Variants in LRCH1 observed in about 807,000 individuals in gnomAD.
LRCH1 encodes the protein leucine rich repeats and calponin homology domain containing 1.
A neutral mutation model predicts 94.9 loss-of-function variants in LRCH1; 23 were observed. That is an observed-to-expected ratio of 0.24 (90% CI 0.17 to 0.34). The LOEUF (loss-of-function observed/expected upper bound fraction) is 0.34. Among genes scored for constraint, LRCH1 ranks in the 10% least tolerant of loss-of-function variants. The probability of loss-of-function intolerance (pLI) is 1.00; values close to 1 mark genes in which losing one functional copy is unlikely to be tolerated. For missense variants in LRCH1, 790 were observed against 945.9 expected, an observed-to-expected ratio of 0.84 and a Z score of 2.16; for synonymous variants, 364 against 354.9, an observed-to-expected ratio of 1.03 and a Z score of -0.29.
At chr13:46,645,937 G>A (rs2051215157) in intron 1 of LRCH1, among the ~76,000 whole-genome samples, 1 of 116,950 alleles carries the variant, frequency 8.6e-6, no homozygotes, top group African/African-American at 3.1e-5. Flanking sequence ...GAAAGGTTAA[G>A]TTTGGAATGT....
At chr13:46,579,463 C>CTTT (rs138919787) in intron 1 of LRCH1, among the ~76,000 whole-genome samples, 176 of 146,798 alleles carry the variant, frequency 1.2e-3, no homozygotes, top group African/African-American at 4.2e-3. Context: ...AATTTCTTTT[C>CTTT]TTTTTTTTTT....
At chr13:46,674,451 G>A (rs933992802) in intron 3 of LRCH1, among the ~76,000 whole-genome samples, 13 of 152,190 alleles carry the variant, frequency 8.5e-5, no homozygotes, top group African/African-American at 3.1e-4. Context: ...CATTGTTGCA[G>A]GTGCAGGAAA....
At chr13:46,610,488 CTT>C (rs745707835) in intron 1 of LRCH1, among the ~76,000 whole-genome samples, 21 of 139,146 alleles carry the variant, frequency 1.5e-4, no homozygotes, top group Admixed American at 3.6e-4. Flanking sequence ...TCTTTTTTTC[CTT>C]TTTTTTTTTT....
intron 13 of LRCH1, among the ~76,000 whole-genome samples, chr13:46,707,434 C>T (rs1354304581): frequency 1.3e-5 from 2 of 152,166 alleles, no homozygotes; most frequent in African/African-American, 4.8e-5. Context: ...TAATTTATCA[C>T]CCAATCAAGA....
chr13:46,573,870 T>A (rs867654953), intron 1 of LRCH1, among the ~76,000 whole-genome samples: 924 of 52,680 alleles, frequency 0.018, 21 homozygotes, highest in African/African-American at 0.037. Context: ...ATATATATTT[T>A]TTTTTTTTTT....
chr13:46,658,305 AT>A (rs1166560960), intron 2 of LRCH1, among the ~76,000 whole-genome samples: 1 of 152,016 alleles, frequency 6.6e-6, no homozygotes, highest in East Asian at 1.9e-4. Flanking sequence ...TATTTTGCTC[AT>A]TGATTACCAG....
chr13:46,686,119 C>A, intron 5 of LRCH1, 78 bp downstream of exon 5: 1 of 1,330,774 alleles, frequency 7.5e-7, no homozygotes, highest in Non-Finnish European at 9.8e-7. Context: ...CCCCTTCACC[C>A]TCTGAAAGTT....
In LRCH1 at chr13:46,681,743, T is replaced by A. The variant is rs776077548; in HGVS notation, c.582T>A (p.Asp194Glu). ...TTCTCTCTCTGCTTTTGATACAGGA[T>A]GTCAGCTGCAACGAGATCACAGCGT... ...IGQLKQLMEL[D>E]VSCNEITALP... is the part of the protein sequence containing the mutation. The change falls in exon 4 of 20, where the codon GAT (aspartate) becomes GAA (glutamate). Residue 194 changes from aspartate (D) to glutamate (E), a missense_variant and splice_region_variant. By Grantham distance (45) the Asp-to-Glu change is conservative. This residue lies in a region of LRCH1 where 194 missense variants were observed against 293.5 expected (regional missense o/e 0.66). Coordinates refer to ENST00000389797, the MANE Select transcript of LRCH1 (RefSeq NM_001164211.2). 2 of 1,602,574 alleles carry A rather than the reference T, an allele frequency of 1.2e-6. No individual in the cohort carries two copies. Among genetic ancestry groups the A allele is most frequent in the African/African-American group, 2.7e-5 (2 of 74,694 alleles).
Position 46,633,106 on chromosome 13 carries a change from CTTATCA to C in LRCH1, c.308-17094_308-17089del, listed in dbSNP as rs1322570363. On this transcript the variant is annotated intron_variant, in intron 1 of 19. Coordinates refer to ENST00000389797, the MANE Select transcript of LRCH1 (RefSeq NM_001164211.2). ...AGCCACCATCACAAAAAATGTCTTT[CTTATCA>C]GTGCTGCCCTAGCTAAATGTGAACT... Among the ~76,000 whole-genome samples the C allele has an allele frequency of 3.9e-5, 6 of 152,118 alleles. No individual in the cohort carries two copies. The East Asian group carries it at 1.2e-3, about 29-fold the overall frequency.
intron 9 of LRCH1, 112 bp downstream of exon 9, chr13:46,695,129 C>T (rs1430320101): frequency 7.5e-7 from 1 of 1,329,750 alleles, no homozygotes; most frequent in Non-Finnish European, 1.0e-6. Context: ...GCTTGCTGCA[C>T]CCTCCCTGAA....
intron 1 of LRCH1, among the ~76,000 whole-genome samples, chr13:46,572,613 G>A (rs983908249): frequency 6.6e-6 from 1 of 151,992 alleles, no homozygotes; most frequent in Non-Finnish European, 1.5e-5. Flanking sequence ...AAAAAAGCTC[G>A]ACAAAATCTC....
intron 1 of LRCH1, among the ~76,000 whole-genome samples, chr13:46,568,821 A>C (rs554730425): frequency 6.6e-6 from 1 of 152,320 alleles, no homozygotes; most frequent in African/African-American, 2.4e-5. Context: ...TGAACTCTGC[A>C]CTTAAAATGG....
At chr13:46,682,428 A>G (rs1870366368) in intron 4 of LRCH1, among the ~76,000 whole-genome samples, 1 of 152,084 alleles carries the variant, frequency 6.6e-6, no homozygotes. Context: ...TCACATTCTG[A>G]GGTAATAGAG....
intron 1 of LRCH1, among the ~76,000 whole-genome samples, chr13:46,625,268 A>T (rs756894809): frequency 1.3e-5 from 2 of 152,156 alleles, no homozygotes; most frequent in Non-Finnish European, 2.9e-5. Flanking sequence ...TACTCCACCT[A>T]TCTGTTGCCA....
At chr13:46,620,358 G>A (rs2050866313) in intron 1 of LRCH1, among the ~76,000 whole-genome samples, 1 of 149,220 alleles carries the variant, frequency 6.7e-6, no homozygotes, top group Non-Finnish European at 1.5e-5. Context: ...GTAAGAACCT[G>A]TCTCAAAAAA....
Position 46,701,181 on chromosome 13 carries a change from A to G in LRCH1, c.1374A>G (p.Ala458=). Residue 458 remains alanine, a synonymous_variant, in exon 11 of 20, where the codon GCA becomes GCG. Transcript: ENST00000389797. ...DIAMIEQLRE[A]VDLLQDPNGL... ...CAATGATCGAGCAGCTGAGAGAAGC[A>G]GTAGATTTGCTGCAAGATCCCAATG... The G allele has an allele frequency of 6.2e-7, 1 of 1,613,814 alleles. No homozygotes were observed. The highest frequency in any genetic ancestry group is 8.5e-7 in the Non-Finnish European group (1 of 1,179,676).
At chr13:46,570,696 G>A (rs1255347306) in intron 1 of LRCH1, among the ~76,000 whole-genome samples, 3 of 152,166 alleles carry the variant, frequency 2.0e-5, no homozygotes, top group African/African-American at 2.4e-5. Flanking sequence ...CACATATTCC[G>A]GTAGGGAAGA....
At chr13:46,608,998 C>T (rs2137998423) in intron 1 of LRCH1, among the ~76,000 whole-genome samples, 1 of 152,252 alleles carries the variant, frequency 6.6e-6, no homozygotes, top group African/African-American at 2.4e-5. Context: ...TAATTGACCT[C>T]CCGAGCTGTA....
At chr13:46,723,936 C>T (rs1872699657) in intron 17 of LRCH1, among the ~76,000 whole-genome samples, 1 of 151,864 alleles carries the variant, frequency 6.6e-6, no homozygotes, top group Admixed American at 6.6e-5. Flanking sequence ...TAGTTTAATG[C>T]CCTGTCATTT....
Sources: allele counts gnomAD v4.1 joint callset (sites outside exome capture counted in the v4.1 genomes callset), GRCh38; gene constraint gnomAD v4.1.1; regional missense constraint gnomAD v4.1.1; transcripts MANE v1.5; gene names NCBI Gene and HGNC (gene_info 2026-07-23, HGNC 2026-07-21).